The following SBF2 variants were observed in gnomAD, a reference collection of about 807,000 sequenced individuals.
The protein encoded by SBF2 is myotubularin-related protein 13.
In SBF2, 112 loss-of-function variants were observed where a neutral mutation model predicts 225.2. The observed-to-expected ratio is 0.50, with a 90% CI of 0.43 to 0.58. SBF2 has a LOEUF of 0.58. Among genes scored for constraint, SBF2 ranks in the 20% least tolerant of loss-of-function variants. The probability of loss-of-function intolerance (pLI) is 0.00; values close to 1 mark genes in which losing one functional copy is unlikely to be tolerated. For synonymous variants in SBF2, 763 were observed against 773.3 expected (o/e 0.99, Z 0.22); for missense variants, 1,996 against 2,206.2 (o/e 0.90, Z 1.91).
Position 10,294,076 on chromosome 11 carries a change from C to T in SBF2, c.-7G>A. The T allele has an allele frequency of 2.9e-6, 4 of 1,366,690 alleles. No homozygotes were observed. The highest frequency in any genetic ancestry group is 1.8e-5 in the South Asian group (1 of 54,276). 84.7% of individuals were successfully genotyped at this position (1,366,690 alleles called of 1,614,324 possible). ...AGTCAGCCAGCCGGGCCATGGCCGC[C>T]GCCGCCGCGCTCGGGAAGCGGGTCC... On this transcript the variant is annotated 5_prime_UTR_variant, in exon 1 of 40. Transcript: ENST00000256190.
chr11:9,780,912 C>G (rs1851962525), intron 39 of SBF2: 3 of 306,590 alleles, frequency 9.8e-6, no homozygotes, highest in Non-Finnish European at 1.9e-5. Flanking sequence ...ATAAAGTTGG[C>G]CTTCGTGTCC....
Position 10,120,165 on chromosome 11 carries a change from T to C in SBF2, c.141+73737A>G, listed in dbSNP as rs143713747. Among the ~76,000 whole-genome samples the C allele has an allele frequency of 5.1e-3, 776 of 152,336 alleles. 8 individuals carry two copies. The highest frequency in any genetic ancestry group is 0.018 in the African/African-American group (733 of 41,568). On this transcript the variant is annotated intron_variant, in intron 2 of 39. Transcript: ENST00000256190. ...GAGTTTGACTACTTTAGAGACCTGT[T>C]ATAAATGAAATTATTAAGTATGTGT...
chr11:10,263,808 C>A (rs7943753), intron 1 of SBF2, among the ~76,000 whole-genome samples: 2 of 152,082 alleles, frequency 1.3e-5, no homozygotes, highest in African/African-American at 4.8e-5. Flanking sequence ...AACATCCTTA[C>A]GGAAAAGGTG....
intron 2 of SBF2, among the ~76,000 whole-genome samples, chr11:10,130,587 C>T (rs1953994378): frequency 1.3e-5 from 2 of 151,728 alleles, no homozygotes; most frequent in African/African-American, 4.9e-5. Context: ...AGTTCTATGT[C>T]ATTTTATCAC....
chr11:10,074,528 T>C (rs1308991413), intron 2 of SBF2, among the ~76,000 whole-genome samples: 2 of 152,204 alleles, frequency 1.3e-5, no homozygotes, highest in Non-Finnish European at 1.5e-5. Context: ...GATTTTATTA[T>C]CTCTCAAAGT....
intron 6 of SBF2, among the ~76,000 whole-genome samples, chr11:10,009,114 G>A (rs917789616): frequency 1.3e-4 from 20 of 152,038 alleles, no homozygotes; most frequent in African/African-American, 2.2e-4. Context: ...TTTGAACTGC[G>A]ATCTTATGCC....
At chr11:10,055,245 C>G in intron 2 of SBF2, among the ~76,000 whole-genome samples, 1 of 151,962 alleles carries the variant, frequency 6.6e-6, no homozygotes, top group Admixed American at 6.6e-5. Flanking sequence ...AAGATGTTGG[C>G]ATGGATGTGG....
chr11:9,866,257 C>T (rs1029378521), intron 17 of SBF2, among the ~76,000 whole-genome samples: 3 of 151,996 alleles, frequency 2.0e-5, no homozygotes, highest in Non-Finnish European at 4.4e-5. Context: ...ACATAAGACC[C>T]TGAATAGCCA....
chr11:9,940,869 A>C (rs1865212983), intron 16 of SBF2, among the ~76,000 whole-genome samples: 1 of 152,192 alleles, frequency 6.6e-6, no homozygotes, highest in Non-Finnish European at 1.5e-5. Flanking sequence ...CAAAGATACA[A>C]AGGCAAAGAG....
intron 13 of SBF2, among the ~76,000 whole-genome samples, chr11:9,969,518 A>AT (rs1455679508): frequency 2.0e-5 from 3 of 151,884 alleles, no homozygotes; most frequent in African/African-American, 7.3e-5. Context: ...GATTTCTTTC[A>AT]TTTTTTTCTG....
At chr11:10,100,049 C>T (rs1952210486) in intron 2 of SBF2, among the ~76,000 whole-genome samples, 1 of 152,064 alleles carries the variant, frequency 6.6e-6, no homozygotes, top group Non-Finnish European at 1.5e-5. Context: ...AATAAAAAGA[C>T]AAAGTGGGTG....
At chr11:9,861,892 T>C (rs1016581600) in intron 17 of SBF2, among the ~76,000 whole-genome samples, 1 of 152,128 alleles carries the variant, frequency 6.6e-6, no homozygotes, top group Non-Finnish European at 1.5e-5. Context: ...ATCTAAATAG[T>C]TTGAGCAAAA....
intron 32 of SBF2, among the ~76,000 whole-genome samples, chr11:9,799,793 G>T (rs1853374476): frequency 6.6e-6 from 1 of 152,200 alleles, no homozygotes; most frequent in Non-Finnish European, 1.5e-5. Flanking sequence ...AGTTTGTCCA[G>T]TTCACTGGCT....
chr11:10,206,670 A>T (rs1212768512), intron 1 of SBF2, among the ~76,000 whole-genome samples: 1 of 152,160 alleles, frequency 6.6e-6, no homozygotes, highest in Non-Finnish European at 1.5e-5. Context: ...AACAGAAATT[A>T]TAAAACTAAA....
chr11:9,870,277 G>C (rs1590276367), intron 17 of SBF2, among the ~76,000 whole-genome samples: 1 of 152,076 alleles, frequency 6.6e-6, no homozygotes, highest in South Asian at 2.1e-4. Flanking sequence ...TGGCCATACT[G>C]CCCAAAATAA....
intron 1 of SBF2, among the ~76,000 whole-genome samples, chr11:10,288,369 A>G (rs2135578686): frequency 6.6e-6 from 1 of 152,336 alleles, no homozygotes; most frequent in South Asian, 2.1e-4. Flanking sequence ...CCCACAGTGG[A>G]CAGCTCTTCT....
Position 9,939,304 on chromosome 11 carries a change from G to A in SBF2, c.1860+22653C>T, listed in dbSNP as rs775460842. ...GTAGAGACGGGGTTTCACCACCTTG[G>A]CCAGGCTGGTGTTGATCTCCGGACC... is the stretch of plus-strand genomic sequence containing the variant. On this transcript the variant is annotated intron_variant, in intron 16 of 39. Coordinates refer to ENST00000256190, the MANE Select transcript of SBF2 (RefSeq NM_030962.4). 6.6e-5 allele frequency among the ~76,000 whole-genome samples: 10 copies of A among 152,018 alleles called. No homozygotes were observed. In the South Asian group the frequency reaches 1.7e-3, roughly 25 times the overall value.
chr11:9,813,420 C>T (rs1220494890), intron 29 of SBF2, among the ~76,000 whole-genome samples: 1 of 152,092 alleles, frequency 6.6e-6, no homozygotes, highest in Non-Finnish European at 1.5e-5. Context: ...CTCCGCTTCC[C>T]AGGTTCAAGC....
chr11:10,102,388 C>T (rs1952347079), intron 2 of SBF2, among the ~76,000 whole-genome samples: 2 of 152,124 alleles, frequency 1.3e-5, no homozygotes, highest in African/African-American at 4.8e-5. Context: ...ATAAAAGTTG[C>T]TAAGAGTTAA....
Sources: allele counts gnomAD v4.1 joint callset (sites outside exome capture counted in the v4.1 genomes callset), GRCh38; gene constraint gnomAD v4.1.1; transcripts MANE v1.5; gene names NCBI Gene and HGNC (gene_info 2026-07-23, HGNC 2026-07-21).